Variants in PWWP3B observed in about 807,000 individuals in gnomAD.
PWWP3B encodes the protein PWWP domain-containing DNA repair factor 3B.
A neutral mutation model predicts 15.7 loss-of-function variants in PWWP3B; 5 were observed. The ratio of observed to expected loss-of-function variants is 0.32; its 90% CI spans 0.17 to 0.67. The LOEUF is 0.67. Ranked by LOEUF, PWWP3B falls within the 30% of genes least tolerant of loss-of-function variation. The probability of loss-of-function intolerance (pLI) is 0.74; values close to 1 mark genes in which losing one functional copy is unlikely to be tolerated. For missense variants in PWWP3B, 519 were observed against 493.1 expected, an observed-to-expected ratio of 1.05 and a Z score of -0.50; for synonymous variants, 203 against 179.8, an observed-to-expected ratio of 1.13 and a Z score of -1.03.
At chrX:106,189,751 G>A (rs771290482) in intron 2 of PWWP3B, among the ~76,000 whole-genome samples, 78 of 108,539 alleles carry the variant, frequency 7.2e-4, no homozygotes, top group South Asian at 6.2e-3. Context: ...CCGAGTAGCT[G>A]GGACTACAGG....
At chrX:106,199,534 C>T (rs766354124) in intron 2 of PWWP3B, among the ~76,000 whole-genome samples, 1 of 111,286 alleles carries the variant, frequency 9.0e-6, no homozygotes, top group Non-Finnish European at 1.9e-5. Context: ...GAGTTGCATC[C>T]TTTTCCGAAG....
At chrX:106,186,420 C>T (rs1414860612) in intron 2 of PWWP3B, among the ~76,000 whole-genome samples, 2 of 111,600 alleles carry the variant, frequency 1.8e-5, no homozygotes, top group Admixed American at 9.5e-5. Context: ...AGTCCGGCAG[C>T]CACGCTAGTT....
chrX:106,180,974 C>T (rs901006909), intron 2 of PWWP3B, among the ~76,000 whole-genome samples: 4 of 111,929 alleles, frequency 3.6e-5, no homozygotes, highest in Non-Finnish European at 5.6e-5. Flanking sequence ...ATTTGGAATA[C>T]GTAAAAACTT....
chrX:106,193,267 T>C (rs770679873), intron 2 of PWWP3B, among the ~76,000 whole-genome samples: 1 of 111,794 alleles, frequency 8.9e-6, no homozygotes, highest in South Asian at 3.8e-4. Flanking sequence ...CTCTTCTTGT[T>C]GAATTGATCC....
At chrX:106,183,666 G>A (rs1569359714) in intron 2 of PWWP3B, among the ~76,000 whole-genome samples, 1 of 112,385 alleles carries the variant, frequency 8.9e-6, no homozygotes, top group Non-Finnish European at 1.9e-5. Context: ...CTGGTTACAG[G>A]CTGTCCCAGG....
chrX:106,195,012 T>C (rs960126399), intron 2 of PWWP3B, among the ~76,000 whole-genome samples: 1 of 111,812 alleles, frequency 8.9e-6, no homozygotes, highest in African/African-American at 3.3e-5. Flanking sequence ...GGAGGAAGTC[T>C]GCCCGTTCTC....
rs1376245063 is a variant in PWWP3B, at chrX:106,208,443, T to C, written c.*920T>C. 8.1e-6 allele frequency: 1 copy of C among 124,082 alleles called. No individual in the cohort carries two copies. Among genetic ancestry groups the C allele is most frequent in the African/African-American group, 3.2e-5 (1 of 31,054 alleles). 10.2% of individuals were successfully genotyped at this position (124,082 alleles called of 1,213,427 possible). On this transcript the variant is annotated 3_prime_UTR_variant, in exon 4 of 4. Coordinates refer to ENST00000357175, the MANE Select transcript of PWWP3B (RefSeq NM_001171020.2). Reference sequence around the variant, plus strand: ...GCTTAAGTGCCCATCTCGTTTGATATAAACTGTAGAAAAGGCAAGCACTTT... The same window carrying C: ...GCTTAAGTGCCCATCTCGTTTGATACAAACTGTAGAAAAGGCAAGCACTTT...
At chrX:106,176,980 C>A (rs1569357778) in intron 2 of PWWP3B, among the ~76,000 whole-genome samples, 1 of 112,358 alleles carries the variant, frequency 8.9e-6, no homozygotes, top group Non-Finnish European at 1.9e-5. Context: ...ATCTTGAAAT[C>A]GTTTTTAGAA....
intron 2 of PWWP3B, among the ~76,000 whole-genome samples, chrX:106,193,864 C>G (rs190166027): frequency 0.027 from 3,028 of 111,841 alleles, 106 homozygotes; most frequent in African/African-American, 0.092. Context: ...GTTGAATATT[C>G]GCCCCCACTC....
At chrX:106,179,271 A>C (rs1204150348) in intron 2 of PWWP3B, among the ~76,000 whole-genome samples, 1 of 112,299 alleles carries the variant, frequency 8.9e-6, no homozygotes, top group African/African-American at 3.2e-5. Flanking sequence ...GCTGCTACAT[A>C]GTCTGCCCCA....
intron 2 of PWWP3B, among the ~76,000 whole-genome samples, chrX:106,178,888 C>A (rs1922039712): frequency 9.0e-6 from 1 of 111,533 alleles, no homozygotes; most frequent in African/African-American, 3.3e-5. Flanking sequence ...GCAATCCGAC[C>A]ATTGGAGGTG....
chrX:106,184,980 A>T (rs1922421135), intron 2 of PWWP3B, among the ~76,000 whole-genome samples: 3 of 111,174 alleles, frequency 2.7e-5, no homozygotes, highest in Admixed American at 1.9e-4. Context: ...TAGTATATGG[A>T]GGTAAGCTGA....
At chrX:106,174,106 C>T (rs1175070852) in intron 2 of PWWP3B, among the ~76,000 whole-genome samples, 1 of 112,074 alleles carries the variant, frequency 8.9e-6, no homozygotes, top group Non-Finnish European at 1.9e-5. Context: ...CAGGCTGACC[C>T]TTCTGTTATG....
chrX:106,194,054 A>T (rs979703073), intron 2 of PWWP3B, among the ~76,000 whole-genome samples: 44 of 110,720 alleles, frequency 4.0e-4, no homozygotes, highest in Non-Finnish European at 6.6e-4. Flanking sequence ...TCTTTGTGGC[A>T]TTCTCTGTAT....
intron 2 of PWWP3B, among the ~76,000 whole-genome samples, chrX:106,180,474 G>A (rs1000030856): frequency 9.0e-6 from 1 of 111,623 alleles, no homozygotes; most frequent in Non-Finnish European, 1.9e-5. Context: ...GAAGAAATCC[G>A]TTTGCTTATT....
chrX:106,176,136 C>A (rs72618336), intron 2 of PWWP3B, among the ~76,000 whole-genome samples: 3,134 of 110,938 alleles, frequency 0.028, 76 homozygotes, highest in East Asian at 0.18. Context: ...TTCTGTTGCC[C>A]AGGCTAGAGT....
At chrX:106,195,231 A>T (rs1180360972) in intron 2 of PWWP3B, among the ~76,000 whole-genome samples, 2 of 111,610 alleles carry the variant, frequency 1.8e-5, no homozygotes, top group Admixed American at 9.5e-5. Flanking sequence ...CTTATTATTG[A>T]ATTTTGAGAG....
At chrX:106,189,831 A>T (rs1224137767) in intron 2 of PWWP3B, among the ~76,000 whole-genome samples, 1 of 109,888 alleles carries the variant, frequency 9.1e-6, no homozygotes, top group Non-Finnish European at 1.9e-5. Flanking sequence ...GTTAGCCAGG[A>T]TGGTCTCGAT....
chrX:106,190,862 C>T (rs776095035), intron 2 of PWWP3B, among the ~76,000 whole-genome samples: 2,066 of 110,550 alleles, frequency 0.019, 52 homozygotes, highest in African/African-American at 0.064. Context: ...TGTAGATATG[C>T]GGCATTATTT....
Sources: allele counts gnomAD v4.1 joint callset (sites outside exome capture counted in the v4.1 genomes callset), GRCh38; gene constraint gnomAD v4.1.1; transcripts MANE v1.5; gene names NCBI Gene and HGNC (gene_info 2026-07-23, HGNC 2026-07-21).